PTPRD: variants seen among roughly 807,000 people sequenced by gnomAD.
PTPRD encodes receptor-type tyrosine-protein phosphatase delta.
A neutral mutation model predicts 214.5 loss-of-function variants in PTPRD; 34 were observed. The observed-to-expected ratio is 0.16, with a 90% CI of 0.12 to 0.21. The LOEUF is 0.21. Among genes scored for constraint, PTPRD ranks in the 10% least tolerant of loss-of-function variants. PTPRD has a pLI of 1.00. For missense variants in PTPRD, 2,545 were observed against 2,398.7 expected, an observed-to-expected ratio of 1.06 and a Z score of -1.27; for synonymous variants, 1,128 against 845.7, an observed-to-expected ratio of 1.33 and a Z score of -5.79.
chr9:9,620,364 C>T (rs374245214), intron 7 of PTPRD, among the ~76,000 whole-genome samples: 18 of 152,156 alleles, frequency 1.2e-4, no homozygotes, highest in South Asian at 6.2e-4. Flanking sequence ...AATGCTAGGC[C>T]GGTAAATAAG....
At chr9:10,519,628 G>C (rs565864347) in intron 2 of PTPRD, among the ~76,000 whole-genome samples, 1 of 152,020 alleles carries the variant, frequency 6.6e-6, no homozygotes, top group Admixed American at 6.6e-5. Context: ...TTTCTGGTAA[G>C]TCTGTATTGA....
At chr9:9,035,116 G>A (rs2099617418) in intron 10 of PTPRD, among the ~76,000 whole-genome samples, 1 of 152,110 alleles carries the variant, frequency 6.6e-6, no homozygotes, top group Non-Finnish European at 1.5e-5. Context: ...TATTCATAGT[G>A]TCTAGCATAG....
At chr9:8,711,925 C>T (rs13288858) in intron 12 of PTPRD, among the ~76,000 whole-genome samples, 39,429 of 152,084 alleles carry the variant, frequency 0.26, 5,599 homozygotes, top group African/African-American at 0.37. Flanking sequence ...TAAATGCATT[C>T]TGCTCAGTGA....
chr9:10,391,977 C>G (rs2098076278), intron 2 of PTPRD, among the ~76,000 whole-genome samples: 1 of 151,698 alleles, frequency 6.6e-6, no homozygotes, highest in Middle Eastern at 3.2e-3. Context: ...AAATGGTCAC[C>G]TGTTGGCAAA....
At chr9:9,149,474 G>A (rs2099874308) in intron 10 of PTPRD, among the ~76,000 whole-genome samples, 1 of 152,056 alleles carries the variant, frequency 6.6e-6, no homozygotes, top group African/African-American at 2.4e-5. Flanking sequence ...GATCAGCTTC[G>A]AAAGAATTTA....
intron 2 of PTPRD, among the ~76,000 whole-genome samples, chr9:10,554,773 G>T (rs7852792): frequency 0.029 from 4,384 of 152,072 alleles, 182 homozygotes; most frequent in African/African-American, 0.098. Flanking sequence ...CCATTCTCCT[G>T]CCTCAGCCTC....
At chr9:9,591,613 TC>T (rs1460967003) in intron 7 of PTPRD, among the ~76,000 whole-genome samples, 1 of 152,040 alleles carries the variant, frequency 6.6e-6, no homozygotes, top group Non-Finnish European at 1.5e-5. Flanking sequence ...AAATAAGCCT[TC>T]AATAAATTCA....
At chr9:9,749,684 A>G (rs1375828707) in intron 6 of PTPRD, among the ~76,000 whole-genome samples, 3 of 152,156 alleles carry the variant, frequency 2.0e-5, no homozygotes, top group Non-Finnish European at 2.9e-5. Flanking sequence ...GTGTGTTCCA[A>G]TATTTTCAAG....
chr9:9,087,383 G>T (rs2099768630), intron 10 of PTPRD, among the ~76,000 whole-genome samples: 1 of 152,082 alleles, frequency 6.6e-6, no homozygotes, highest in African/African-American at 2.4e-5. Flanking sequence ...CCATTTTTCA[G>T]TGGTTTACCG....
intron 4 of PTPRD, among the ~76,000 whole-genome samples, chr9:9,960,124 C>T (rs1438907198): frequency 4.0e-5 from 6 of 148,304 alleles, no homozygotes. Context: ...AGGAAATATG[C>T]AACAACTTGG....
intron 14 of PTPRD, among the ~76,000 whole-genome samples, chr9:8,617,452 C>G (rs1008884756): frequency 3.3e-5 from 5 of 152,056 alleles, no homozygotes; most frequent in African/African-American, 9.7e-5. Context: ...TAATTTATTC[C>G]TATTCCTGAT....
chr9:10,205,060 G>C (rs1051148627), intron 3 of PTPRD, among the ~76,000 whole-genome samples: 8 of 151,900 alleles, frequency 5.3e-5, no homozygotes, highest in African/African-American at 1.9e-4. Context: ...GAGAAGCTTT[G>C]TACTTGTTTT....
At chr9:9,835,333 G>C (rs377692091) in intron 5 of PTPRD, among the ~76,000 whole-genome samples, 1 of 152,002 alleles carries the variant, frequency 6.6e-6, no homozygotes, top group African/African-American at 2.4e-5. Context: ...AGTACATTTA[G>C]TTATATAGAT....
intron 14 of PTPRD, among the ~76,000 whole-genome samples, chr9:8,613,586 G>A (rs1192987002): frequency 1.3e-5 from 2 of 151,982 alleles, no homozygotes; most frequent in Admixed American, 6.6e-5. Context: ...TGCCTCTCTA[G>A]CACCCCCAGA....
chr9:8,916,960 A>G (rs556115215), intron 11 of PTPRD, among the ~76,000 whole-genome samples: 227 of 152,140 alleles, frequency 1.5e-3, no homozygotes, highest in Middle Eastern at 3.4e-3. Context: ...GTTCAAGCAA[A>G]TTCTGCATAT....
intron 5 of PTPRD, among the ~76,000 whole-genome samples, chr9:9,814,899 A>G (rs1284782923): frequency 6.7e-6 from 1 of 150,066 alleles, no homozygotes; most frequent in Non-Finnish European, 1.5e-5. Context: ...TCCTGGGCTC[A>G]AGCGATCCTT....
At chr9:10,528,529 T>C (rs1261816901) in intron 2 of PTPRD, among the ~76,000 whole-genome samples, 1 of 152,170 alleles carries the variant, frequency 6.6e-6, no homozygotes, top group African/African-American at 2.4e-5. Context: ...ATATATTCTA[T>C]TAAAATATAT....
chr9:10,351,570 T>C (rs2097183583), intron 2 of PTPRD, among the ~76,000 whole-genome samples: 1 of 152,016 alleles, frequency 6.6e-6, no homozygotes, highest in African/African-American at 2.4e-5. Flanking sequence ...CCTTAGCTTT[T>C]AGCTGTGGGA....
chr9:8,521,144 T>G (rs2097883719), intron 20 of PTPRD, 133 bp downstream of exon 20: 1 of 1,077,038 alleles, frequency 9.3e-7, no homozygotes, highest in East Asian at 2.6e-5. Flanking sequence ...ACCACAGATA[T>G]GATTAGGTTA....
Sources: allele counts gnomAD v4.1 joint callset (sites outside exome capture counted in the v4.1 genomes callset), GRCh38; gene constraint gnomAD v4.1.1; transcripts MANE v1.5; gene names NCBI Gene and HGNC (gene_info 2026-07-23, HGNC 2026-07-21).